Variants in NAIP observed in about 807,000 individuals in gnomAD.
NAIP encodes baculoviral IAP repeat-containing protein 1.
In NAIP, 15 loss-of-function variants were observed where a neutral mutation model predicts 23.0. The observed-to-expected ratio is 0.65, with a 90% CI of 0.44 to 1.00. The LOEUF is 1.00. NAIP is among the 50% of genes least tolerant of loss of function. The pLI, the probability that NAIP is intolerant of heterozygous loss-of-function variation, is 0.00. For missense variants in NAIP, 265 were observed against 278.8 expected (o/e 0.95, Z 0.35); for synonymous variants, 100 against 100.2 (o/e 1.00, Z 0.01).
At chr5:71,014,526 T>A (rs140388930) in intron 3 of NAIP, among the ~76,000 whole-genome samples, 7 of 151,622 alleles carry the variant, frequency 4.6e-5, no homozygotes, top group Non-Finnish European at 1.0e-4. Flanking sequence ...TCCCTGGTGG[T>A]TATATGATTA....
intron 13 of NAIP, among the ~76,000 whole-genome samples, chr5:70,979,574 A>AC (rs1750461425): frequency 2.7e-5 from 1 of 37,248 alleles, no homozygotes; most frequent in African/African-American, 1.4e-4. Flanking sequence ...GACTGTCTCA[A>AC]AAAAAAAAAA....
At chr5:71,012,010 G>T (rs1751182143) in intron 4 of NAIP, among the ~76,000 whole-genome samples, 1 of 151,550 alleles carries the variant, frequency 6.6e-6, no homozygotes, top group Non-Finnish European at 1.5e-5. Context: ...AGCAGTAGAA[G>T]GAGGGTGGGT....
chr5:71,011,514 C>G, intron 4 of NAIP, 140 bp from the exon 5 acceptor site: 1 of 710,890 alleles, frequency 1.4e-6, no homozygotes, highest in South Asian at 1.9e-5. Context: ...AGTCTCCATC[C>G]TCAATCCCAC....
intron 5 of NAIP, among the ~76,000 whole-genome samples, chr5:71,009,183 G>T (rs931508455): frequency 6.8e-6 from 1 of 146,024 alleles, no homozygotes; most frequent in African/African-American, 2.5e-5. Flanking sequence ...AAACCTTGTC[G>T]CTATAAAAGA....
At position 71,011,922 on chromosome 5, in the gene NAIP, C is replaced by G. The variant is rs1403431134; in HGVS notation, c.568+426G>C. 4 of 255,988 alleles carry G rather than the reference C, an allele frequency of 1.6e-5. No individual in the cohort carries two copies. In the East Asian group the frequency reaches 4.2e-4, roughly 27 times the overall value. 15.9% of individuals were successfully genotyped at this position (255,988 alleles called of 1,614,324 possible). A position where few individuals can be genotyped will look rare whatever the true frequency, so the allele number is the denominator to read the frequency against. On this transcript the variant is annotated intron_variant, in intron 4 of 16. Coordinates refer to ENST00000517649, the MANE Select transcript of NAIP (RefSeq NM_004536.3). ...AACTCTGATTTATATATCATAACCC[C>G]TATGGCGGGGCTAGGACAAACAAAC...
intron 3 of NAIP, 95 bp from the exon 4 acceptor site, chr5:71,013,013 A>C (rs1751242665): frequency 9.1e-7 from 1 of 1,093,832 alleles, no homozygotes; most frequent in Non-Finnish European, 1.3e-6. Context: ...GAATTAAAGG[A>C]ATGCCTGGAA....
At position 71,010,329 on chromosome 5, in the gene NAIP, C is replaced by T. The variant is rs758219561; in HGVS notation, c.668+946G>A. ...TGTCGCCCAGGCCGGAGTGCAGTGG[C>T]GCTATCTCGGCTCACTGCAAGCTCT... On this transcript the variant is annotated intron_variant, in intron 5 of 16. Coordinates refer to ENST00000517649, the MANE Select transcript of NAIP (RefSeq NM_004536.3). 2.2e-4 allele frequency among the ~76,000 whole-genome samples: 34 copies of T among 151,182 alleles called. 3 individuals carry two copies. Among genetic ancestry groups the T allele is most frequent in the African/African-American group, 5.8e-4 (24 of 41,192 alleles).
Position 71,012,613 on chromosome 5 carries a change from G to A in NAIP, c.303C>T (p.Ser101=). The A allele has an allele frequency of 3.1e-6, 5 of 1,611,900 alleles. No individual in the cohort carries two copies. Among genetic ancestry groups the A allele is most frequent in the Non-Finnish European group, 4.2e-6 (5 of 1,178,498 alleles). The change falls in exon 4 of 17, where the codon AGC becomes AGT. Residue 101 remains serine, a synonymous_variant. Transcript: ENST00000517649. ...TGAGGCCGGCACCAAAGAGGATTAG[G>A]CTACAGCAGAAGCACTGAATCCCAG... ...VKSGIQCFCC[S]LILFGAGLTR...
rs1258089783 is a variant in NAIP, at chr5:71,011,771, G to T, written c.569-397C>A. On this transcript the variant is annotated intron_variant, in intron 4 of 16. Transcript: ENST00000517649. Reference sequence around the variant, plus strand: ...TAGGCATGTTTCTTAAAGTCTCTGAGCCTCCATGAACTCAGCTGTGAAATG... The same window carrying T: ...TAGGCATGTTTCTTAAAGTCTCTGATCCTCCATGAACTCAGCTGTGAAATG... 3 of 450,218 alleles carry T rather than the reference G, an allele frequency of 6.7e-6. 1 individual carries two copies. The highest frequency in any genetic ancestry group is 3.5e-5 in the South Asian group (2 of 57,470). 27.9% of individuals were successfully genotyped at this position (450,218 alleles called of 1,614,324 possible). A position where few individuals can be genotyped will look rare whatever the true frequency, so the allele number is the denominator to read the frequency against.
chr5:71,009,362 CAAA>C (rs555440243), intron 5 of NAIP, among the ~76,000 whole-genome samples: 2 of 99,670 alleles, frequency 2.0e-5, no homozygotes, highest in Non-Finnish European at 1.9e-5. Flanking sequence ...AACTCACTCT[CAAA>C]AAAAAAAAAA....
intron 5 of NAIP, 24 bp downstream of exon 5, chr5:71,011,250 AT>A: frequency 6.5e-7 from 1 of 1,546,776 alleles, no homozygotes; most frequent in Non-Finnish European, 8.8e-7. Context: ...AGAAAGAAAC[AT>A]TTAAGCAAAA....
intron 13 of NAIP, among the ~76,000 whole-genome samples, chr5:70,979,589 ATAATAAT>A (rs1750472526): frequency 2.7e-5 from 1 of 37,332 alleles, no homozygotes; most frequent in Non-Finnish European, 5.2e-5. Flanking sequence ...AAAAAAAATA[ATAATAAT>A]AATAATAATA....
intron 5 of NAIP, 36 bp downstream of exon 5, chr5:71,011,239 A>AT (rs754475133): frequency 5.9e-6 from 9 of 1,515,200 alleles, no homozygotes; most frequent in Non-Finnish European, 5.4e-6. Flanking sequence ...TCAAAAAAAA[A>AT]AGAAAGAAAC....
chr5:71,013,488 A>G (rs752330681), intron 3 of NAIP, among the ~76,000 whole-genome samples: 4 of 150,582 alleles, frequency 2.7e-5, no homozygotes, highest in Non-Finnish European at 4.4e-5. Context: ...ACTACAAAAA[A>G]AATTAGCCGG....
At chr5:71,011,520 C>T (rs1751158742) in intron 4 of NAIP, 146 bp from the exon 5 acceptor site, 2 of 697,532 alleles carry the variant, frequency 2.9e-6, no homozygotes, top group Middle Eastern at 2.7e-4. Context: ...CATCCTCAAT[C>T]CCACCACCCA....
At chr5:70,971,628 T>C in intron 16 of NAIP, 16 of 212,606 alleles carry the variant, frequency 7.5e-5, no homozygotes, top group South Asian at 5.9e-4. Context: ...TACAAGGGAC[T>C]TCAAAGAGTG....
In NAIP at chr5:71,012,542, C is replaced by A. The variant is rs771987500; in HGVS notation, c.374G>T (p.Gly125Val). The A allele has an allele frequency of 1.9e-6, 3 of 1,611,568 alleles. No homozygotes were observed. In the African/African-American group the frequency reaches 4.0e-5, roughly 22 times the overall value. Reference sequence around the variant, plus strand: ...ACCAACATCCTTGTTCAAAAGGAACCCACAATCTGGATGAAACCTCTTGTG... The same window carrying A: ...ACCAACATCCTTGTTCAAAAGGAACACACAATCTGGATGAAACCTCTTGTG... ...EDHKRFHPDC[G>V]FLLNKDVGNI... is the part of the protein sequence containing the mutation. Residue 125 changes from glycine (G) to valine (V), a missense_variant, in exon 4 of 17, where the codon GGG becomes GTG. Physicochemically the swap from Gly to Val is moderately radical, Grantham distance 109. Coordinates refer to ENST00000517649, the MANE Select transcript of NAIP (RefSeq NM_004536.3).
At position 71,011,397 on chromosome 5, in the gene NAIP, AG is replaced by A. The variant is rs112375288; in HGVS notation, c.569-24del. 3.6e-4 allele frequency: 557 copies of A among 1,555,642 alleles called. 1 individual carries two copies. In the African/African-American group the frequency reaches 6.5e-3, roughly 18 times the overall value. On this transcript the variant is annotated intron_variant, in intron 4 of 16. Coordinates refer to ENST00000517649, the MANE Select transcript of NAIP (RefSeq NM_004536.3). ...TACCTATATATGAAGGAAAATATTT[AG>A]ATTGCCTGGCAGTGGCACCAGGGGG...
At chr5:71,015,711 T>TG (rs1434085785) in intron 3 of NAIP, among the ~76,000 whole-genome samples, 4 of 110,148 alleles carry the variant, frequency 3.6e-5, no homozygotes, top group Non-Finnish European at 7.6e-5. Context: ...CCCAGCACTT[T>TG]GGGGGGCTGA....
Sources: allele counts gnomAD v4.1 joint callset (sites outside exome capture counted in the v4.1 genomes callset), GRCh38; gene constraint gnomAD v4.1.1; transcripts MANE v1.5; gene names NCBI Gene and HGNC (gene_info 2026-07-23, HGNC 2026-07-21).